The following TAFA1 variants were observed in gnomAD, a reference collection of about 807,000 sequenced individuals.
The protein encoded by TAFA1 is TAFA chemokine like family member 1.
TAFA1 carries 4 observed loss-of-function variants against 18.5 expected under a neutral mutation model. The observed-to-expected ratio is 0.22, with a 90% CI of 0.11 to 0.49. TAFA1 has a LOEUF of 0.49. Ranked by LOEUF, TAFA1 falls within the 20% of genes least tolerant of loss-of-function variation. The pLI, the probability that TAFA1 is intolerant of heterozygous loss-of-function variation, is 0.98. For missense variants in TAFA1, 147 were observed against 169.0 expected (o/e 0.87, Z 0.72); for synonymous variants, 56 against 55.2 (o/e 1.01, Z -0.06).
intron 2 of TAFA1, among the ~76,000 whole-genome samples, chr3:68,106,616 T>C (rs11127865): frequency 0.89 from 135,174 of 152,092 alleles, 60,430 homozygotes; most frequent in South Asian, 0.95. Flanking sequence ...CAAAAATCTA[T>C]GCTTTATAAA....
chr3:68,250,924 T>C (rs1354720224), intron 2 of TAFA1: 1 of 152,104 alleles, frequency 6.6e-6, no homozygotes, highest in Non-Finnish European at 1.5e-5. Flanking sequence ...AATGTAATAG[T>C]AATTTTTAAA....
chr3:68,463,424 T>C (rs145049851), intron 3 of TAFA1, among the ~76,000 whole-genome samples: 82 of 152,318 alleles, frequency 5.4e-4, no homozygotes, highest in African/African-American at 1.9e-3. Context: ...CAAAAAGTTT[T>C]ATTTTATTCA....
intron 3 of TAFA1, among the ~76,000 whole-genome samples, chr3:68,494,852 C>A (rs1001771231): frequency 1.3e-5 from 2 of 152,130 alleles, no homozygotes; most frequent in Non-Finnish European, 2.9e-5. Flanking sequence ...TAGTGCCTGG[C>A]ACAAATAATG....
At chr3:68,376,371 C>T (rs1368780911) in intron 2 of TAFA1, among the ~76,000 whole-genome samples, 3 of 151,612 alleles carry the variant, frequency 2.0e-5, no homozygotes, top group African/African-American at 7.3e-5. Flanking sequence ...AGCCCAGTAC[C>T]CATTAGTTAG....
intron 2 of TAFA1, among the ~76,000 whole-genome samples, chr3:68,255,129 T>C (rs2067273020): frequency 6.6e-6 from 1 of 152,188 alleles, no homozygotes; most frequent in Non-Finnish European, 1.5e-5. Context: ...TGAAGAGTAT[T>C]CATTCATCTT....
At chr3:68,540,158 T>A (rs894588078) in intron 4 of TAFA1, among the ~76,000 whole-genome samples, 7 of 152,200 alleles carry the variant, frequency 4.6e-5, no homozygotes, top group African/African-American at 1.2e-4. Context: ...TAAAACTTAT[T>A]TTTCACATAT....
intron 2 of TAFA1, among the ~76,000 whole-genome samples, chr3:68,161,497 A>G (rs1407599399): frequency 6.6e-6 from 1 of 152,222 alleles, no homozygotes; most frequent in African/African-American, 2.4e-5. Flanking sequence ...GAACCCAGCA[A>G]TGTAGGAGCT....
chr3:68,231,161 A>G (rs1163601829), intron 2 of TAFA1, among the ~76,000 whole-genome samples: 1 of 152,168 alleles, frequency 6.6e-6, no homozygotes, highest in Non-Finnish European at 1.5e-5. Flanking sequence ...CCAAGCATAG[A>G]GATACAAATT....
At chr3:68,237,412 G>A (rs915759128) in intron 2 of TAFA1, among the ~76,000 whole-genome samples, 1 of 152,190 alleles carries the variant, frequency 6.6e-6, no homozygotes, top group South Asian at 2.1e-4. Context: ...GGTAGGGAGG[G>A]CTTGGGAGGA....
At chr3:68,107,820 A>G (rs1023551234) in intron 2 of TAFA1, among the ~76,000 whole-genome samples, 1 of 152,146 alleles carries the variant, frequency 6.6e-6, no homozygotes, top group Non-Finnish European at 1.5e-5. Flanking sequence ...TCAAAGAGCA[A>G]ATGTCTTTTA....
intron 2 of TAFA1, among the ~76,000 whole-genome samples, chr3:68,153,539 G>A (rs2065831650): frequency 6.6e-6 from 1 of 152,120 alleles, no homozygotes; most frequent in Non-Finnish European, 1.5e-5. Context: ...TGGCTTTGAA[G>A]GTCTTTGGAA....
chr3:68,009,077 T>G (rs1217653435), intron 2 of TAFA1, among the ~76,000 whole-genome samples: 2 of 152,384 alleles, frequency 1.3e-5, no homozygotes, highest in East Asian at 3.9e-4. Flanking sequence ...AATAAAGTTT[T>G]GCTGTTCACA....
At chr3:68,509,879 A>G (rs2072819771) in intron 3 of TAFA1, among the ~76,000 whole-genome samples, 1 of 152,124 alleles carries the variant, frequency 6.6e-6, no homozygotes, top group South Asian at 2.1e-4. Context: ...GCTGAAGGGA[A>G]CTGGATCCAT....
intron 3 of TAFA1, among the ~76,000 whole-genome samples, chr3:68,439,412 CATATATATATAT>C (rs57059146): frequency 0.012 from 909 of 73,436 alleles, 55 homozygotes; most frequent in East Asian, 0.11. Context: ...TATATACATA[CATATATATATAT>C]ATATATATAT....
chr3:68,358,136 A>G (rs899563154), intron 2 of TAFA1, among the ~76,000 whole-genome samples: 2 of 151,932 alleles, frequency 1.3e-5, no homozygotes, highest in African/African-American at 2.4e-5. Context: ...CTGCTCCCAG[A>G]ATTACTGAAA....
At chr3:68,392,230 G>C (rs943763275) in intron 2 of TAFA1, among the ~76,000 whole-genome samples, 2 of 142,180 alleles carry the variant, frequency 1.4e-5, no homozygotes, top group African/African-American at 5.2e-5. Flanking sequence ...TGATAAAGCA[G>C]AATTTCAACC....
intron 2 of TAFA1, among the ~76,000 whole-genome samples, chr3:68,261,912 A>T (rs1348357857): frequency 7.5e-6 from 1 of 133,920 alleles, no homozygotes; most frequent in African/African-American, 3.0e-5. Flanking sequence ...AACTTAAAGT[A>T]TAATAATAAT....
chr3:67,994,907 G>C, the TAFA1 span, among the ~76,000 whole-genome samples: 5,306 of 152,138 alleles, frequency 0.035, 140 homozygotes, highest in East Asian at 0.062. Flanking sequence ...TGGAACCAGC[G>C]GTTAGCTTGG....
chr3:68,515,332 A>G (rs1336279143), intron 3 of TAFA1, among the ~76,000 whole-genome samples: 1 of 152,204 alleles, frequency 6.6e-6, no homozygotes, highest in Non-Finnish European at 1.5e-5. Flanking sequence ...CAGCTTCAGC[A>G]GGAGAGGAAT....
Sources: gnomAD v4.1 joint callset for allele counts (sites outside exome capture counted in the v4.1 genomes callset) on GRCh38, gnomAD v4.1.1 for gene constraint, MANE v1.5 for transcripts, NCBI Gene and HGNC (gene_info 2026-07-23, HGNC 2026-07-21) for gene names.